OSBPL9: variants seen among roughly 807,000 people sequenced by gnomAD.
OSBPL9 encodes oxysterol binding protein like 9, also known as oxysterol-binding protein-related protein 9.
OSBPL9 carries 40 observed loss-of-function variants against 106.6 expected under a neutral mutation model. The ratio of observed to expected loss-of-function variants is 0.38; its 90% CI spans 0.29 to 0.49. The LOEUF (loss-of-function observed/expected upper bound fraction) is 0.49, where lower values mean the gene tolerates loss of function less well. Ranked by LOEUF, OSBPL9 falls within the 20% of genes least tolerant of loss-of-function variation. The pLI, the probability that OSBPL9 is intolerant of heterozygous loss-of-function variation, is 0.97. For missense variants in OSBPL9, 609 were observed against 887.2 expected (o/e 0.69, Z 3.98); for synonymous variants, 269 against 295.4 (o/e 0.91, Z 0.92).
At chr1:51,717,420 CT>C (rs1375315645) in intron 4 of OSBPL9, among the ~76,000 whole-genome samples, 1 of 152,220 alleles carries the variant, frequency 6.6e-6, no homozygotes, top group Non-Finnish European at 1.5e-5. Flanking sequence ...TCCTCTATCA[CT>C]TTACTTCTGA....
At chr1:51,714,158 TA>T (rs1660618380) in intron 4 of OSBPL9, 79 bp downstream of exon 4, 17 of 1,037,676 alleles carry the variant, frequency 1.6e-5, no homozygotes, top group Admixed American at 5.2e-5. Flanking sequence ...TTTTTTTTTT[TA>T]AATAACTGTG....
Position 51,787,938 on chromosome 1 carries a change from G to C in OSBPL9, c.*149G>C, listed in dbSNP as rs2149173799. On this transcript the variant is annotated 3_prime_UTR_variant, in exon 24 of 24. Coordinates refer to ENST00000428468, the MANE Select transcript of OSBPL9 (RefSeq NM_024586.6). ...GGATACTGGACTTTCTGACGCAGAT[G>C]AACAATTAAGGGGAAAAGCTTCCCT... The C allele has an allele frequency of 1.5e-6, 1 of 663,284 alleles. No homozygotes were observed. The highest frequency in any genetic ancestry group is 2.5e-6 in the Non-Finnish European group (1 of 393,740). 41.1% of individuals were successfully genotyped at this position (663,284 alleles called of 1,614,324 possible). A position where few individuals can be genotyped will look rare whatever the true frequency, so the allele number is the denominator to read the frequency against.
intron 9 of OSBPL9, among the ~76,000 whole-genome samples, chr1:51,758,202 T>C (rs920425619): frequency 6.6e-6 from 1 of 152,130 alleles, no homozygotes; most frequent in African/African-American, 2.4e-5. Context: ...ATAGATCTAA[T>C]TGGCTTTTAT....
At chr1:51,745,660 A>T (rs779637997) in intron 5 of OSBPL9, 29 bp downstream of exon 5, 4 of 1,460,526 alleles carry the variant, frequency 2.7e-6, no homozygotes, top group Non-Finnish European at 3.6e-6. Flanking sequence ...TATTAAATTT[A>T]TATAAATAGA....
chr1:51,550,594 C>T, the OSBPL9 span, among the ~76,000 whole-genome samples: 1 of 152,206 alleles, frequency 6.6e-6, no homozygotes, highest in Admixed American at 6.5e-5. Context: ...CCCACTGCAA[C>T]TTTCGCCTCC....
intron 4 of OSBPL9, among the ~76,000 whole-genome samples, chr1:51,725,131 T>C (rs542673937): frequency 5.4e-4 from 82 of 152,172 alleles, no homozygotes; most frequent in African/African-American, 1.7e-3. Context: ...AGTCTTTTTT[T>C]CCTTTTGCTT....
At chr1:51,638,464 A>G (rs546524283) in intron 1 of OSBPL9, among the ~76,000 whole-genome samples, 1 of 152,172 alleles carries the variant, frequency 6.6e-6, no homozygotes, top group Admixed American at 6.5e-5. Context: ...AGGAGACTAC[A>G]TTCTGGGTGT....
intron 1 of OSBPL9, among the ~76,000 whole-genome samples, chr1:51,637,764 C>A (rs1645541611): frequency 6.6e-6 from 1 of 152,170 alleles, no homozygotes; most frequent in South Asian, 2.1e-4. Flanking sequence ...CTAACTGATA[C>A]ATTTATTCTC....
At chr1:51,616,892 A>G, upstream of OSBPL9, 2 of 646,936 alleles carry the variant, frequency 3.1e-6, no homozygotes, top group Non-Finnish European at 5.1e-6. Flanking sequence ...TAATCTTAAT[A>G]GCAGTATTCA....
intron 5 of OSBPL9, among the ~76,000 whole-genome samples, chr1:51,745,890 AT>A (rs926557015): frequency 3.5e-4 from 53 of 152,324 alleles, no homozygotes; most frequent in African/African-American, 1.3e-3. Context: ...TTAGAAAAAA[AT>A]AAGGCAAGAT....
At chr1:51,740,374 T>C (rs1460961064) in intron 4 of OSBPL9, among the ~76,000 whole-genome samples, 6 of 152,074 alleles carry the variant, frequency 3.9e-5, no homozygotes, top group Non-Finnish European at 1.5e-5. Flanking sequence ...AGTTTTATTA[T>C]AGGGTATGTG....
At chr1:51,587,556 C>T (rs1324498162) in intron 1 of OSBPL9, among the ~76,000 whole-genome samples, 2 of 152,096 alleles carry the variant, frequency 1.3e-5, no homozygotes, top group South Asian at 2.1e-4. Context: ...TCCTTCCTTC[C>T]TTCTTCCTTC....
chr1:51,554,821 AG>A, the OSBPL9 span, among the ~76,000 whole-genome samples: 6 of 152,344 alleles, frequency 3.9e-5, no homozygotes, highest in African/African-American at 1.4e-4. Flanking sequence ...TACCTGTTGA[AG>A]TGAAAACAAC....
chr1:51,616,299 T>C (rs1644057081), upstream of OSBPL9, among the ~76,000 whole-genome samples: 1 of 152,130 alleles, frequency 6.6e-6, no homozygotes, highest in African/African-American at 2.4e-5. Context: ...AATGCTTAAA[T>C]TGCCCCTGTA....
At position 51,715,786 on chromosome 1, in the gene OSBPL9, C is replaced by T. The variant is rs79909298; in HGVS notation, c.318+1707C>T. 3.6e-4 allele frequency among the ~76,000 whole-genome samples: 55 copies of T among 152,270 alleles called. 1 individual carries two copies. The East Asian group carries it at 0.01, about 28-fold the overall frequency. On this transcript the variant is annotated intron_variant, in intron 4 of 23. Coordinates refer to ENST00000428468, the MANE Select transcript of OSBPL9 (RefSeq NM_024586.6). ...TTCAAATACATTTTTTCATTTGTGGCCTCCACATTCTTGTGTGTGATGTCC... is the reference window on the plus strand; with the variant it reads ...TTCAAATACATTTTTTCATTTGTGGTCTCCACATTCTTGTGTGTGATGTCC...
Position 51,788,437 on chromosome 1 carries a change from A to ATAAAG in OSBPL9, c.*652_*656dup, listed in dbSNP as rs1191942224. ...AATTATTCTTAGTGCTTAAGGCTTC[A>ATAAAG]TAAAGTAATTTTTCCAACCTTTTTT... On this transcript the variant is annotated 3_prime_UTR_variant, in exon 24 of 24. Coordinates refer to ENST00000428468, the MANE Select transcript of OSBPL9 (RefSeq NM_024586.6). 2.6e-5 allele frequency: 4 copies of ATAAAG among 152,662 alleles called. No individual in the cohort carries two copies. Among genetic ancestry groups the ATAAAG allele is most frequent in the Non-Finnish European group, 5.9e-5 (4 of 68,038 alleles). The allele number at this position is 152,662 out of a possible 1,614,324, so 9.5% of individuals were successfully genotyped here. A position where few individuals can be genotyped will look rare whatever the true frequency, so the allele number is the denominator to read the frequency against.
chr1:51,748,716 C>T (rs894728459), intron 7 of OSBPL9, among the ~76,000 whole-genome samples: 3 of 152,258 alleles, frequency 2.0e-5, no homozygotes, highest in Non-Finnish European at 2.9e-5. Context: ...TTCTTTGATT[C>T]TTAAGGCAGG....
At chr1:51,686,364 T>G (rs1653804761) in intron 3 of OSBPL9, among the ~76,000 whole-genome samples, 1 of 152,232 alleles carries the variant, frequency 6.6e-6, no homozygotes, top group African/African-American at 2.4e-5. Context: ...TTTCATCACA[T>G]GGTGCTGCTT....
At chr1:51,563,037 C>G in the OSBPL9 span, among the ~76,000 whole-genome samples, 1 of 152,052 alleles carries the variant, frequency 6.6e-6, no homozygotes, top group East Asian at 1.9e-4. Context: ...AGTGAAACCG[C>G]GTCTCTACTG....
Sources: allele counts gnomAD v4.1 joint callset (sites outside exome capture counted in the v4.1 genomes callset), GRCh38; gene constraint gnomAD v4.1.1; transcripts MANE v1.5; gene names NCBI Gene and HGNC (gene_info 2026-07-23, HGNC 2026-07-21).